The following KDM6B variants were observed in gnomAD, a reference collection of about 807,000 sequenced individuals.
KDM6B encodes lysine-specific demethylase 6B.
KDM6B carries 22 observed loss-of-function variants against 150.4 expected under a neutral mutation model. The ratio of observed to expected loss-of-function variants is 0.15; its 90% CI spans 0.10 to 0.21. The LOEUF is 0.21. Ranked by LOEUF, KDM6B falls within the 10% of genes least tolerant of loss-of-function variation. The pLI, the probability that KDM6B is intolerant of heterozygous loss-of-function variation, is 1.00. For missense variants in KDM6B, 1,984 were observed against 2,234.3 expected, an observed-to-expected ratio of 0.89 and a Z score of 2.26; for synonymous variants, 1,148 against 921.1, an observed-to-expected ratio of 1.25 and a Z score of -4.46.
chr17:7,848,157 G>C lies in KDM6B; in HGVS notation c.1869G>C (p.Arg623Ser). 1 of 1,612,536 alleles carries C rather than the reference G, an allele frequency of 6.2e-7. No homozygotes were observed. Among genetic ancestry groups the C allele is most frequent in the African/African-American group, 1.3e-5 (1 of 74,896 alleles). The change falls in exon 12 of 24, where the codon AGG becomes AGC. Residue 623 changes from arginine to serine, a missense_variant. Physicochemically the swap from Arg to Ser is moderately radical, Grantham distance 110. Around this residue, in one of 13 missense-constraint regions of KDM6B, gnomAD observed 1,379 missense variants for 1,275.6 expected, o/e 1.08. Coordinates refer to ENST00000448097, the MANE Select transcript of KDM6B (RefSeq NM_001348716.2). Reference protein sequence around the residue: ...SCHQNTSGSFRRPESPRPRVS... With the variant: ...SCHQNTSGSFSRPESPRPRVS... ...ACCAAAATACCTCAGGAAGCTTCAG[G>C]CGCCCGGAGAGCCCCCGGCCCAGGG...
In KDM6B at chr17:7,849,696, C is replaced by A. The variant is rs1413684030; in HGVS notation, c.3408C>A (p.Ser1136Arg). The A allele has an allele frequency of 1.2e-6, 2 of 1,610,634 alleles. No individual in the cohort carries two copies. The highest frequency in any genetic ancestry group is 1.7e-4 in the Middle Eastern group (1 of 6,060). Residue 1136 changes from serine (S) to arginine (R), a missense_variant, in exon 12 of 24, where the codon AGC (serine) becomes AGA (arginine). By Grantham distance (110) the Ser-to-Arg change is moderately radical. Around this residue, in one of 13 missense-constraint regions of KDM6B, gnomAD observed 1,379 missense variants for 1,275.6 expected, o/e 1.08. Coordinates refer to ENST00000448097, the MANE Select transcript of KDM6B (RefSeq NM_001348716.2). ...RRLRMADLTI[S>R]HCAADVVRAS... is the part of the protein sequence containing the mutation. The stretch of plus-strand genomic sequence containing the variant: ...TGCGCATGGCAGACCTCACCATCAG[C>A]CACTGTGCTGCTGACGTCGTGCGCG...
intron 1 of KDM6B, among the ~76,000 whole-genome samples, chr17:7,837,462 C>G (rs1007197794): frequency 6.6e-6 from 1 of 152,172 alleles, no homozygotes; most frequent in Non-Finnish European, 1.5e-5. Context: ...TGGAGGGGGA[C>G]TCAGTTGATT....
In KDM6B at chr17:7,846,639, C is replaced by T. The variant is rs1597836405; in HGVS notation, c.610C>T (p.Pro204Ser). ...CCCGGTGAAGCGAGCTGCTGAACCC[C>T]CAGTGGTGCAGCCTGTGCCTCCTGC... ...GPPVKRAAEP[P>S]VVQPVPPAAL... is the part of the protein sequence containing the mutation. Residue 204 changes from proline (P) to serine (S), a missense_variant, in exon 9 of 24, where the codon CCA becomes TCA. Pro to Ser is a moderately conservative substitution (Grantham distance 74, BLOSUM62 -1). Around this residue, in one of 13 missense-constraint regions of KDM6B, gnomAD observed 337 missense variants for 323.9 expected, o/e 1.04. Coordinates refer to ENST00000448097, the MANE Select transcript of KDM6B (RefSeq NM_001348716.2). 16 of 1,614,110 alleles carry T rather than the reference C, an allele frequency of 9.9e-6. No individual in the cohort carries two copies. Among genetic ancestry groups the T allele is most frequent in the African/African-American group, 2.7e-5 (2 of 75,020 alleles).
Position 7,849,573 on chromosome 17 carries a change from T to C in KDM6B, c.3285T>C (p.Leu1095=), listed in dbSNP as rs554307636. Residue 1095 remains leucine (L), a synonymous_variant, in exon 12 of 24, where the codon CTT becomes CTC. Coordinates refer to ENST00000448097, the MANE Select transcript of KDM6B (RefSeq NM_001348716.2). ...SRADMLKLRS[L]SEGPPKELKI... is the part of the protein sequence containing the mutation. ...CCGACATGCTGAAGCTGCGCTCACTTAGTGAGGGGCCCCCCAAGGAGCTGA... is the reference window on the plus strand; with the variant it reads ...CCGACATGCTGAAGCTGCGCTCACTCAGTGAGGGGCCCCCCAAGGAGCTGA... 1 of 1,612,552 alleles carries C rather than the reference T, an allele frequency of 6.2e-7. No individual in the cohort carries two copies. The highest frequency in any genetic ancestry group is 2.2e-5 in the East Asian group (1 of 44,878).
At chr17:7,852,371 CG>C in intron 20 of KDM6B, 35 bp downstream of exon 20, 1 of 1,597,778 alleles carries the variant, frequency 6.3e-7, no homozygotes, top group Non-Finnish European at 8.5e-7. Context: ...CGTGGTGTGG[CG>C]CCTCAGCGGC....
At chr17:7,841,537 GACAC>G (rs1351199223) in intron 2 of KDM6B, among the ~76,000 whole-genome samples, 2 of 152,206 alleles carry the variant, frequency 1.3e-5, no homozygotes, top group African/African-American at 4.8e-5. Flanking sequence ...GAGCTAGGCA[GACAC>G]ACAGACAGAG....
chr17:7,847,935 A>G lies in KDM6B; in HGVS notation c.1647A>G (p.Pro549=). ...DSHTPPTPPT[P]TTSSSNSNSG... is the part of the protein sequence containing the mutation. ...ACACCCCTCCCACTCCCCCAACCCC[A>G]ACCACCAGCAGTAGCAACAGCAACA... The change falls in exon 12 of 24, where the codon CCA becomes CCG. Residue 549 remains proline, a synonymous_variant. Coordinates refer to ENST00000448097, the MANE Select transcript of KDM6B (RefSeq NM_001348716.2). The G allele has an allele frequency of 7.5e-7, 1 of 1,332,528 alleles. No homozygotes were observed. The highest frequency in any genetic ancestry group is 9.9e-7 in the Non-Finnish European group (1 of 1,010,832). The allele number at this position is 1,332,528 out of a possible 1,614,324, so 82.5% of individuals were successfully genotyped here. A position where few individuals can be genotyped will look rare whatever the true frequency, so the allele number is the denominator to read the frequency against.
At chr17:7,852,908 C>T in intron 21 of KDM6B, 92 bp from the exon 22 acceptor site, 5 of 1,562,378 alleles carry the variant, frequency 3.2e-6, no homozygotes, top group South Asian at 1.1e-5. Flanking sequence ...TAGGGGAGGG[C>T]CCTGGGGCTG....
chr17:7,838,942 G>A (rs182931967), intron 1 of KDM6B, among the ~76,000 whole-genome samples: 62 of 152,112 alleles, frequency 4.1e-4, no homozygotes, highest in African/African-American at 1.5e-3. Flanking sequence ...AGAAGCTTGC[G>A]GAACATTGCA....
In KDM6B at chr17:7,849,127, A is replaced by G; in HGVS notation, c.2839A>G (p.Ser947Gly). The G allele has an allele frequency of 6.2e-7, 1 of 1,612,402 alleles. No homozygotes were observed. The highest frequency in any genetic ancestry group is 8.5e-7 in the Non-Finnish European group (1 of 1,179,850). The change falls in exon 12 of 24, where the codon AGT becomes GGT. Residue 947 changes from serine (S) to glycine (G), a missense_variant. Coordinates refer to ENST00000448097, the MANE Select transcript of KDM6B (RefSeq NM_001348716.2). ...DPVDTAEPAD[S>G]GTERLLPPAQ... is the part of the protein sequence containing the mutation. ...AGTGGACACAGCAGAGCCAGCGGAC[A>G]GTGGGACTGAGCGACTGCTGCCCCC...
In KDM6B at chr17:7,851,804, C is replaced by G. The variant is rs761134422; in HGVS notation, c.4165+8C>G. On this transcript the variant is annotated splice_region_variant and intron_variant, in intron 18 of 23. Coordinates refer to ENST00000448097, the MANE Select transcript of KDM6B (RefSeq NM_001348716.2). ...CCGGCAGCCGAACGCCAGGTGCGCT[C>G]CACGCCTGTGCGCGCTGATGCTGGA... 6.4e-7 allele frequency: 1 copy of G among 1,555,810 alleles called. No individual in the cohort carries two copies. The highest frequency in any genetic ancestry group is 1.2e-5 in the South Asian group (1 of 85,380).
chr17:7,846,834 G>A lies in KDM6B; in HGVS notation c.727G>A (p.Gly243Arg). The change falls in exon 10 of 24, where the codon GGG (glycine) becomes AGG (arginine). Residue 243 changes from glycine to arginine, a missense_variant. Transcript: ENST00000448097. ...CNSEQTGLPP[G>R]LPLPPPPLPP... ...TCTCTCCTAGACTGGCCTTCCCCCAGGGCTGCCACTGCCTCCACCACCATT... is the reference window on the plus strand; with the variant it reads ...TCTCTCCTAGACTGGCCTTCCCCCAAGGCTGCCACTGCCTCCACCACCATT... 1.2e-6 allele frequency: 2 copies of A among 1,610,298 alleles called. No individual in the cohort carries two copies. Among genetic ancestry groups the A allele is most frequent in the Non-Finnish European group, 1.7e-6 (2 of 1,179,324 alleles).
At chr17:7,834,967 G>T (rs1201179950) in intron 1 of KDM6B, among the ~76,000 whole-genome samples, 1 of 151,308 alleles carries the variant, frequency 6.6e-6, no homozygotes, top group Non-Finnish European at 1.5e-5. Context: ...GAACCCTAGC[G>T]CGCCCCGCAC....
intron 1 of KDM6B, among the ~76,000 whole-genome samples, chr17:7,835,437 G>A (rs2078315161): frequency 6.6e-6 from 1 of 152,080 alleles, no homozygotes; most frequent in South Asian, 2.1e-4. Context: ...CGCCGCGACC[G>A]AAGGGGACTC....
intron 21 of KDM6B, 151 bp downstream of exon 21, chr17:7,852,787 G>A (rs968456075): frequency 7.7e-7 from 1 of 1,298,236 alleles, no homozygotes; most frequent in African/African-American, 1.5e-5. Context: ...CTAGGTCCTT[G>A]CTGTCATGAC....
At position 7,844,993 on chromosome 17, in the gene KDM6B, G is replaced by GTC; in HGVS notation, c.-176_-175insTC. The GTC allele has an allele frequency of 5.7e-6, 1 of 175,702 alleles. No individual in the cohort carries two copies. The highest frequency in any genetic ancestry group is 1.1e-4 in the South Asian group (1 of 9,038). The allele number at this position is 175,702 out of a possible 1,614,324, so 10.9% of individuals were successfully genotyped here. A position where few individuals can be genotyped will look rare whatever the true frequency, so the allele number is the denominator to read the frequency against. On this transcript the variant is annotated 5_prime_UTR_variant, in exon 3 of 24. Transcript: ENST00000448097. The surrounding 1 kb of genome is among the most constrained non-coding windows in gnomAD (Gnocchi z 5.9). ...CCAGATCTCTGGAGCTTGCCGACGC[G>GTC]GTGTGAGGACGCTCCCACGGAGGCC...
rs1260774077 is a variant in KDM6B, at chr17:7,847,147, C to T, written c.952C>T (p.Pro318Ser). ...SLPHPYPYPAPAYTAHPPGHR... is the reference protein window; with the variant it reads ...SLPHPYPYPASAYTAHPPGHR... ...GCCTCACCCATATCCATACCCAGCT[C>T]CAGCGTACACCGCGCACCCCCCTGG... The change falls in exon 11 of 24, where the codon CCA (proline) becomes TCA (serine). Residue 318 changes from proline (P) to serine (S), a missense_variant. Physicochemically the swap from Pro to Ser is moderately conservative, Grantham distance 74. This residue lies in a region of KDM6B where 1,379 missense variants were observed against 1,275.6 expected (regional missense o/e 1.08). Transcript: ENST00000448097. The T allele has an allele frequency of 6.2e-7, 1 of 1,608,762 alleles. No individual in the cohort carries two copies. The highest frequency in any genetic ancestry group is 1.1e-5 in the South Asian group (1 of 91,088).
chr17:7,846,170 G>C lies in KDM6B; in HGVS notation c.329G>C (p.Trp110Ser). ...CGGGAGCCAGCCCAGCCAGGGCTTT[G>C]GGAACAGCTTGGGCAACTGTACGAG... Reference protein sequence around the residue: ...LLREPAQPGLWEQLGQLYESE... With the variant: ...LLREPAQPGLSEQLGQLYESE... The change falls in exon 7 of 24, where the codon TGG becomes TCG. Residue 110 changes from tryptophan to serine, a missense_variant. Trp to Ser is a radical substitution (Grantham distance 177). Around this residue, in one of 13 missense-constraint regions of KDM6B, gnomAD observed 337 missense variants for 323.9 expected, o/e 1.04. Coordinates refer to ENST00000448097, the MANE Select transcript of KDM6B (RefSeq NM_001348716.2). 1 of 1,613,884 alleles carries C rather than the reference G, an allele frequency of 6.2e-7. No individual in the cohort carries two copies. The highest frequency in any genetic ancestry group is 8.5e-7 in the Non-Finnish European group (1 of 1,179,974).
chr17:7,846,176 A>G lies in KDM6B; in HGVS notation c.335A>G (p.Gln112Arg). ...REPAQPGLWE[Q>R]LGQLYESEHD... ...CCAGCCCAGCCAGGGCTTTGGGAACAGCTTGGGCAACTGTACGAGTCAGAG... is the reference window on the plus strand; with the variant it reads ...CCAGCCCAGCCAGGGCTTTGGGAACGGCTTGGGCAACTGTACGAGTCAGAG... The change falls in exon 7 of 24, where the codon CAG (glutamine) becomes CGG (arginine). Residue 112 changes from glutamine to arginine, a missense_variant. Physicochemically the swap from Gln to Arg is conservative, Grantham distance 43 (BLOSUM62 1). Transcript: ENST00000448097. 6.2e-7 allele frequency: 1 copy of G among 1,614,068 alleles called. No homozygotes were observed. Among genetic ancestry groups the G allele is most frequent in the East Asian group, 2.2e-5 (1 of 44,866 alleles).
Sources: allele counts gnomAD v4.1 joint callset (sites outside exome capture counted in the v4.1 genomes callset), GRCh38; gene constraint gnomAD v4.1.1; regional missense constraint gnomAD v4.1.1; non-coding constraint Gnocchi (gnomAD v3.1); transcripts MANE v1.5; gene names NCBI Gene and HGNC (gene_info 2026-07-23, HGNC 2026-07-21).